The following SYNE2 variants were observed in gnomAD, a reference collection of about 807,000 sequenced individuals.
SYNE2 encodes the protein spectrin repeat containing nuclear envelope protein 2.
In SYNE2, 431 loss-of-function variants were observed where a neutral mutation model predicts 856.3. The ratio of observed to expected loss-of-function variants is 0.50; its 90% CI spans 0.47 to 0.55. The LOEUF (loss-of-function observed/expected upper bound fraction) is 0.55, where lower values mean the gene tolerates loss of function less well. Among genes scored for constraint, SYNE2 ranks in the 20% least tolerant of loss-of-function variants. The probability of loss-of-function intolerance (pLI) is 0.00; values close to 1 mark genes in which losing one functional copy is unlikely to be tolerated. For synonymous variants in SYNE2, 2,923 were observed against 2,872.3 expected (o/e 1.02, Z -0.56); for missense variants, 8,129 against 8,023.2 (o/e 1.01, Z -0.50).
At chr14:64,053,775 C>T (rs1006826488) in intron 48 of SYNE2, 118 bp downstream of exon 48, 29 of 959,576 alleles carry the variant, frequency 3.0e-5, no homozygotes, top group Admixed American at 8.3e-5. Flanking sequence ...ACCAGCCTGG[C>T]CAACATGGCA....
In SYNE2 at chr14:64,221,558, G is replaced by C. The variant is rs766983007; in HGVS notation, c.20062-18G>C. 1.2e-6 allele frequency: 2 copies of C among 1,614,186 alleles called. No individual in the cohort carries two copies. Among genetic ancestry groups the C allele is most frequent in the Middle Eastern group, 3.3e-4 (2 of 6,062 alleles). On this transcript the variant is annotated intron_variant, in intron 111 of 115. Coordinates refer to ENST00000555002, the MANE Select transcript of SYNE2 (RefSeq NM_182914.3). ...GGGCTCTAAGACACGGCCGCGCTCT[G>C]ATGTGTTGTTTTTTAAGGACTTCCA...
At chr14:63,791,629 A>G (rs1400738928) in intron 1 of SYNE2, among the ~76,000 whole-genome samples, 1 of 152,214 alleles carries the variant, frequency 6.6e-6, no homozygotes, top group Non-Finnish European at 1.5e-5. Flanking sequence ...CCCTATAGCA[A>G]TTGGTAAGAA....
In SYNE2 at chr14:63,887,655, GT is replaced by G. The variant is rs775641172; in HGVS notation, c.-51-21435del. Among the ~76,000 whole-genome samples, 354 of 151,360 alleles carry G rather than the reference GT, an allele frequency of 2.3e-3. 2 individuals are homozygous for G. Among genetic ancestry groups the G allele is most frequent in the African/African-American group, 7.9e-3 (326 of 41,190 alleles). ...TAACTTCTAGAGCAGCAAGGAACTG[GT>G]TTTTTTTCCCCCCCATTCCTAGTAT... On this transcript the variant is annotated intron_variant, in intron 1 of 115. Transcript: ENST00000555002.
At chr14:63,828,683 A>G (rs1026173409) in intron 1 of SYNE2, among the ~76,000 whole-genome samples, 2 of 152,058 alleles carry the variant, frequency 1.3e-5, no homozygotes, top group South Asian at 4.1e-4. Context: ...GTGAGCCAAG[A>G]TCATGACACT....
intron 76 of SYNE2, among the ~76,000 whole-genome samples, chr14:64,130,744 G>T (rs1271999825): frequency 3.3e-5 from 5 of 152,064 alleles, no homozygotes; most frequent in Non-Finnish European, 5.9e-5. Flanking sequence ...AATTAGCTGG[G>T]TATGGTGGCA....
intron 1 of SYNE2, among the ~76,000 whole-genome samples, chr14:63,863,725 T>C (rs762433200): frequency 7.2e-5 from 11 of 152,186 alleles, no homozygotes; most frequent in Non-Finnish European, 1.3e-4. Flanking sequence ...AAATTTGAGA[T>C]AGTGATTCAG....
At chr14:63,809,538 G>C (rs2139822025) in intron 1 of SYNE2, among the ~76,000 whole-genome samples, 1 of 152,272 alleles carries the variant, frequency 6.6e-6, no homozygotes, top group South Asian at 2.1e-4. Context: ...GGAGTGCGGG[G>C]GCATGATCAT....
rs776752381 is a variant in SYNE2 at position 64,081,302 on chromosome 14, ATAAG to A, written c.11347-138_11347-135del. 2.0e-4 allele frequency: 190 copies of A among 968,162 alleles called. No homozygotes were observed. The Middle Eastern group carries it at 3.3e-3, about 17-fold the overall frequency. The allele number at this position is 968,162 out of a possible 1,614,324, so 60.0% of individuals were successfully genotyped here. On this transcript the variant is annotated intron_variant, in intron 56 of 115. Coordinates refer to ENST00000555002, the MANE Select transcript of SYNE2 (RefSeq NM_182914.3). ...AAGTGTCATAGCCTAGAGCAGGTGA[ATAAG>A]TAGCCCCAGCCATGGGGAGCAGACA...
At chr14:63,947,928 A>G (rs963398938) in intron 6 of SYNE2, among the ~76,000 whole-genome samples, 1 of 152,192 alleles carries the variant, frequency 6.6e-6, no homozygotes, top group Admixed American at 6.5e-5. Context: ...CCTATATGTG[A>G]AGCTCCATTT....
chr14:64,138,911 G>GTT (rs919911041), intron 79 of SYNE2, among the ~76,000 whole-genome samples: 10 of 113,380 alleles, frequency 8.8e-5, no homozygotes, highest in Admixed American at 3.3e-4. Context: ...ACAAATGCTG[G>GTT]TTGTGTGTGT....
intron 48 of SYNE2, among the ~76,000 whole-genome samples, chr14:64,055,662 G>A (rs1007238802): frequency 4.0e-5 from 6 of 151,872 alleles, no homozygotes; most frequent in African/African-American, 1.2e-4. Flanking sequence ...CCACCACGCC[G>A]GGCCTGGAAA....
intron 104 of SYNE2, among the ~76,000 whole-genome samples, chr14:64,212,482 G>A (rs2098646494): frequency 6.6e-6 from 1 of 152,214 alleles, no homozygotes. Flanking sequence ...CCCATTCGTG[G>A]CTTATTATGG....
intron 71 of SYNE2, among the ~76,000 whole-genome samples, chr14:64,125,763 G>A (rs2097938881): frequency 6.6e-6 from 1 of 152,172 alleles, no homozygotes; most frequent in East Asian, 1.9e-4. Context: ...CAGGCGCAAT[G>A]CATGACACTG....
intron 1 of SYNE2, among the ~76,000 whole-genome samples, chr14:63,765,405 T>G (rs1325428009): frequency 6.6e-6 from 1 of 152,180 alleles, no homozygotes; most frequent in African/African-American, 2.4e-5. Context: ...CAGGCTGGAG[T>G]GCAGTGGTGC....
chr14:64,192,527 T>G (rs1476345259), intron 99 of SYNE2, among the ~76,000 whole-genome samples: 2 of 152,228 alleles, frequency 1.3e-5, no homozygotes, highest in Non-Finnish European at 2.9e-5. Flanking sequence ...GGGTAAAATT[T>G]TATTGATCTT....
At chr14:64,032,854 C>T (rs773123844) in intron 45 of SYNE2, among the ~76,000 whole-genome samples, 1 of 152,144 alleles carries the variant, frequency 6.6e-6, no homozygotes. Flanking sequence ...GTAAAAGAAA[C>T]TTTTAAAACA....
intron 1 of SYNE2, among the ~76,000 whole-genome samples, chr14:63,897,119 G>A (rs1221941042): frequency 1.3e-5 from 2 of 152,148 alleles, no homozygotes; most frequent in Non-Finnish European, 2.9e-5. Flanking sequence ...CAGGCATGGT[G>A]GTGCATACCT....
At chr14:64,126,842 G>A in intron 73 of SYNE2, 35 bp downstream of exon 73, 1 of 1,600,964 alleles carries the variant, frequency 6.2e-7, no homozygotes, top group South Asian at 1.1e-5. Flanking sequence ...TTTTGGCACT[G>A]TTTTAAGTTA....
At chr14:64,025,676 A>T (rs2096972310) in intron 41 of SYNE2, among the ~76,000 whole-genome samples, 1 of 152,228 alleles carries the variant, frequency 6.6e-6, no homozygotes, top group African/African-American at 2.4e-5. Flanking sequence ...CAATGAGTGC[A>T]GAAGAATTGA....
Sources: gnomAD v4.1 joint callset for allele counts (sites outside exome capture counted in the v4.1 genomes callset) on GRCh38, gnomAD v4.1.1 for gene constraint, MANE v1.5 for transcripts, NCBI Gene and HGNC (gene_info 2026-07-23, HGNC 2026-07-21) for gene names.